Variants in GAS7 observed in about 807,000 individuals in gnomAD.
GAS7 encodes growth arrest-specific protein 7.
GAS7 carries 28 observed loss-of-function variants against 71.1 expected under a neutral mutation model. The observed-to-expected ratio is 0.39, with a 90% confidence interval of 0.29 to 0.54. GAS7 has a LOEUF of 0.54. Among genes scored for constraint, GAS7 ranks in the 20% least tolerant of loss-of-function variants. GAS7 has a pLI of 0.62. For synonymous variants in GAS7, 258 were observed against 245.8 expected (o/e 1.05, Z -0.46); for missense variants, 436 against 627.8 (o/e 0.69, Z 3.27).
intron 1 of GAS7, among the ~76,000 whole-genome samples, chr17:10,099,626 G>A (rs745622352): frequency 4.6e-5 from 7 of 152,076 alleles, no homozygotes; most frequent in Non-Finnish European, 7.4e-5. Context: ...ACCCATCCTG[G>A]GCAAGGCATA....
At chr17:10,028,565 T>C (rs940337610) in intron 1 of GAS7, among the ~76,000 whole-genome samples, 1 of 151,604 alleles carries the variant, frequency 6.6e-6, no homozygotes, top group African/African-American at 2.4e-5. Context: ...TCACATAGTA[T>C]CCAGAAGAAA....
intron 4 of GAS7, among the ~76,000 whole-genome samples, chr17:9,966,289 C>T (rs886810058): frequency 6.1e-5 from 9 of 148,366 alleles, no homozygotes; most frequent in Middle Eastern, 3.4e-3. Context: ...TGAGCCACCA[C>T]GACCGCCCCC....
chr17:9,965,865 C>T (rs149848580), intron 4 of GAS7, among the ~76,000 whole-genome samples: 2 of 152,170 alleles, frequency 1.3e-5, no homozygotes, highest in African/African-American at 2.4e-5. Flanking sequence ...AGTGAAGGAG[C>T]GGGGCAGGCA....
chr17:10,009,027 GTGTTCTAC>G (rs1371727285), intron 2 of GAS7, among the ~76,000 whole-genome samples: 1 of 152,176 alleles, frequency 6.6e-6, no homozygotes, highest in Non-Finnish European at 1.5e-5. Flanking sequence ...AAAGTTAAAA[GTGTTCTAC>G]TGGGGCCGGG....
Position 10,013,324 on chromosome 17 carries a change from G to T in GAS7, c.304+6453C>A, listed in dbSNP as rs1376355657. ...CAGTCTATGGCTTTTTGTTAGTGCA[G>T]CCTGCACAGACTAAGACAGTCTCCT... On this transcript the variant is annotated intron_variant, in intron 2 of 13. Transcript: ENST00000432992. 2.0e-5 allele frequency among the ~76,000 whole-genome samples: 3 copies of T among 152,134 alleles called. No individual in the cohort carries two copies. The East Asian group carries it at 5.8e-4, about 29-fold the overall frequency.
Position 9,912,173 on chromosome 17 carries a change from T to C in GAS7, c.*5055A>G, listed in dbSNP as rs1293527635. The stretch of plus-strand genomic sequence containing the variant: ...AAACTACCTCATTCTTAACAGCTCA[T>C]AAAACTCTTAATTTTAGCTCCATTT... On this transcript the variant is annotated 3_prime_UTR_variant, in exon 14 of 14. Transcript: ENST00000432992. 1.3e-5 allele frequency: 3 copies of C among 232,362 alleles called. No homozygotes were observed. Among genetic ancestry groups the C allele is most frequent in the African/African-American group, 6.6e-5 (3 of 45,294 alleles). The allele number at this position is 232,362 out of a possible 1,614,324, so 14.4% of individuals were successfully genotyped here.
intron 1 of GAS7, among the ~76,000 whole-genome samples, chr17:10,173,134 T>C (rs1479792362): frequency 6.6e-6 from 1 of 152,112 alleles, no homozygotes; most frequent in Non-Finnish European, 1.5e-5. Context: ...GGCAGATGCA[T>C]AGAACCAGAA....
At chr17:9,949,988 C>T (rs1257069706) in intron 5 of GAS7, among the ~76,000 whole-genome samples, 5 of 151,816 alleles carry the variant, frequency 3.3e-5, no homozygotes, top group Non-Finnish European at 7.4e-5. Context: ...CAGCCTCTCC[C>T]GGGTAGCTGG....
At chr17:9,938,467 T>C (rs1389083433) in intron 8 of GAS7, among the ~76,000 whole-genome samples, 2 of 112,570 alleles carry the variant, frequency 1.8e-5, no homozygotes, top group Admixed American at 9.6e-5. Flanking sequence ...CGAGACTCTG[T>C]CTCAAAAAAA....
rs565096118 is a variant in GAS7, at chr17:10,085,742, C to T, written c.184-65845G>A. On this transcript the variant is annotated intron_variant, in intron 1 of 13. Transcript: ENST00000432992. ...AGAAAGAAAGAAAGAGGAACCATCC[C>T]TTACTGAGTGATGTGACAAGCACTT... Among the ~76,000 whole-genome samples, 11 of 151,616 alleles carry T rather than the reference C, an allele frequency of 7.3e-5. No individual in the cohort carries two copies. In the East Asian group the frequency reaches 2.1e-3, roughly 29 times the overall value.
intron 1 of GAS7, 69 bp from the exon 2 acceptor site, chr17:10,019,966 A>G: frequency 6.1e-6 from 9 of 1,483,150 alleles, no homozygotes; most frequent in Non-Finnish European, 8.3e-6. Context: ...CCAGGAAGGC[A>G]AAGGCTGATG....
chr17:10,161,371 C>G (rs981990707), intron 1 of GAS7, among the ~76,000 whole-genome samples: 3 of 152,160 alleles, frequency 2.0e-5, no homozygotes, highest in Admixed American at 2.0e-4. Context: ...CAGCTCCAAC[C>G]AATAGTTCAC....
chr17:10,062,379 G>A (rs2073229301), intron 1 of GAS7, among the ~76,000 whole-genome samples: 1 of 152,220 alleles, frequency 6.6e-6, no homozygotes, highest in East Asian at 1.9e-4. Context: ...CGACAACTCA[G>A]GAGGCTGAGA....
At chr17:10,152,053 G>GTCTACACACA (rs1222474110) in intron 1 of GAS7, among the ~76,000 whole-genome samples, 49 of 152,180 alleles carry the variant, frequency 3.2e-4, no homozygotes, top group Admixed American at 3.0e-3. Context: ...GGAGTTCAGT[G>GTCTACACACA]ATGCCTGGTT....
intron 9 of GAS7, among the ~76,000 whole-genome samples, chr17:9,927,402 C>T (rs1034567812): frequency 7.9e-5 from 12 of 151,454 alleles, no homozygotes; most frequent in African/African-American, 2.9e-4. Flanking sequence ...CAGGAAATCA[C>T]TTGAACCTGG....
chr17:9,978,051 A>G (rs2070275024), intron 3 of GAS7, among the ~76,000 whole-genome samples: 1 of 152,072 alleles, frequency 6.6e-6, no homozygotes, highest in African/African-American at 2.4e-5. Flanking sequence ...TCTCTATGAA[A>G]AATTCTTTAA....
At chr17:10,042,078 T>C (rs2072879259) in intron 1 of GAS7, among the ~76,000 whole-genome samples, 1 of 152,100 alleles carries the variant, frequency 6.6e-6, no homozygotes, top group Non-Finnish European at 1.5e-5. Flanking sequence ...GGGCAGATCA[T>C]GAGGTCACGA....
chr17:10,072,840 A>G (rs2073355207), intron 1 of GAS7, among the ~76,000 whole-genome samples: 1 of 152,098 alleles, frequency 6.6e-6, no homozygotes, highest in Admixed American at 6.5e-5. Flanking sequence ...CTTATCTGCA[A>G]TTTGGGGTAT....
In GAS7 at chr17:9,918,102, G is replaced by A. The variant is rs755040901; in HGVS notation, c.1219-3C>T. On this transcript the variant is annotated splice_polypyrimidine_tract_variant and splice_region_variant and intron_variant, in intron 12 of 13. Transcript: ENST00000432992. Reference sequence around the variant, plus strand: ...TCCACCTCCAGCCGCTCTAGCTCCTGCCGAGAAAGCAAAGGCCAGAGAACT... The same window carrying A: ...TCCACCTCCAGCCGCTCTAGCTCCTACCGAGAAAGCAAAGGCCAGAGAACT... The A allele has an allele frequency of 3.1e-6, 5 of 1,610,392 alleles. No individual in the cohort carries two copies. The South Asian group carries it at 5.5e-5, about 18-fold the overall frequency.
Sources: allele counts gnomAD v4.1 joint callset (sites outside exome capture counted in the v4.1 genomes callset), GRCh38; gene constraint gnomAD v4.1.1; transcripts MANE v1.5; gene names NCBI Gene and HGNC (gene_info 2026-07-23, HGNC 2026-07-21).